The following PHF2 variants were observed in gnomAD, a reference collection of about 807,000 sequenced individuals.
The protein encoded by PHF2 is lysine-specific demethylase PHF2.
In PHF2, 27 loss-of-function variants were observed where a neutral mutation model predicts 120.5. That is an observed-to-expected ratio of 0.22 (90% confidence interval 0.17 to 0.31). The LOEUF is 0.31. PHF2 is among the 10% of genes least tolerant of loss of function. PHF2 has a pLI of 1.00. For synonymous variants in PHF2, 568 were observed against 592.5 expected (o/e 0.96, Z 0.60); for missense variants, 1,024 against 1,434.8 (o/e 0.71, Z 4.63).
intron 5 of PHF2, among the ~76,000 whole-genome samples, chr9:93,649,794 T>C (rs1002959954): frequency 6.6e-6 from 1 of 152,112 alleles, no homozygotes; most frequent in Admixed American, 6.5e-5. Flanking sequence ...CCCATAGATA[T>C]GTCACACACC....
chr9:93,638,109 C>T (rs1408511437), intron 3 of PHF2, among the ~76,000 whole-genome samples: 1 of 151,540 alleles, frequency 6.6e-6, no homozygotes, highest in Admixed American at 6.6e-5. Flanking sequence ...AGGTCCTTTG[C>T]CCATTTTTAA....
chr9:93,597,603 C>T (rs369439392), intron 1 of PHF2, among the ~76,000 whole-genome samples: 1 of 152,060 alleles, frequency 6.6e-6, no homozygotes, highest in African/African-American at 2.4e-5. Context: ...CTTGGCTGCT[C>T]GGCTTGAGTT....
At chr9:93,604,022 C>T (rs565675025) in intron 1 of PHF2, among the ~76,000 whole-genome samples, 2 of 152,354 alleles carry the variant, frequency 1.3e-5, no homozygotes, top group Admixed American at 1.3e-4. Flanking sequence ...TTGGCCTCTC[C>T]TGGACTGTCA....
At chr9:93,596,699 C>T (rs1353976095) in intron 1 of PHF2, among the ~76,000 whole-genome samples, 2 of 150,922 alleles carry the variant, frequency 1.3e-5, no homozygotes, top group Non-Finnish European at 2.9e-5. Context: ...GCATGTGTCT[C>T]TGGGCAGAGT....
intron 1 of PHF2, among the ~76,000 whole-genome samples, chr9:93,591,113 C>T (rs763181399): frequency 1.3e-5 from 2 of 152,072 alleles, no homozygotes; most frequent in Admixed American, 6.5e-5. Flanking sequence ...GGCCAGCAGC[C>T]GTGCCTCCTG....
chr9:93,639,433 C>G (rs1587699141), intron 3 of PHF2, among the ~76,000 whole-genome samples: 1 of 152,100 alleles, frequency 6.6e-6, no homozygotes, highest in African/African-American at 2.4e-5. Flanking sequence ...TGCAACCCTG[C>G]TGAACTAGTT....
At position 93,673,591 on chromosome 9, in the gene PHF2, C is replaced by T. The variant is rs746280885; in HGVS notation, c.2355C>T (p.Pro785=). 9 of 1,564,404 alleles carry T rather than the reference C, an allele frequency of 5.8e-6. No individual in the cohort carries two copies. The highest frequency in any genetic ancestry group is 2.7e-5 in the African/African-American group (2 of 74,000). The part of the protein sequence containing the change: ...GALEYNPSSQ[P]PASPSTQEAI... ...TGTCTCTCTGTGCCCCTAGCCAGCCCCCGGCCTCCCCCAGCACACAGGAAG... is the reference window on the plus strand; with the variant it reads ...TGTCTCTCTGTGCCCCTAGCCAGCCTCCGGCCTCCCCCAGCACACAGGAAG... Residue 785 remains proline (P), a synonymous_variant, in exon 18 of 22, where the codon CCC becomes CCT. Coordinates refer to ENST00000359246, the MANE Select transcript of PHF2 (RefSeq NM_005392.4).
rs760946470 is a variant in PHF2, at chr9:93,656,641, T to C, written c.1147+46T>C. The stretch of plus-strand genomic sequence containing the variant: ...GGCGTCCAAGCCTGGGGCTCTTGGC[T>C]GTGGGGGCAGCCAGACCTGGTCAGG... On this transcript the variant is annotated intron_variant, in intron 9 of 21. Transcript: ENST00000359246. The surrounding 1 kb of genome is among the most constrained non-coding windows in gnomAD (Gnocchi z 4.1). The C allele has an allele frequency of 7.3e-6, 10 of 1,370,998 alleles. No homozygotes were observed. Among genetic ancestry groups the C allele is most frequent in the Non-Finnish European group, 1.0e-5 (10 of 962,904 alleles). 84.9% of individuals were successfully genotyped at this position (1,370,998 alleles called of 1,614,324 possible).
intron 1 of PHF2, among the ~76,000 whole-genome samples, chr9:93,584,778 A>G (rs1026811438): frequency 3.3e-5 from 5 of 152,198 alleles, no homozygotes; most frequent in African/African-American, 1.2e-4. Context: ...CTGCAAAAAA[A>G]CCGCTGTTGG....
chr9:93,665,016 T>G (rs1305662508), intron 14 of PHF2, among the ~76,000 whole-genome samples: 1 of 152,214 alleles, frequency 6.6e-6, no homozygotes, highest in African/African-American at 2.4e-5. Flanking sequence ...TGCTACTATA[T>G]AGAGAGAAAC....
intron 4 of PHF2, among the ~76,000 whole-genome samples, chr9:93,648,207 C>T (rs1826295188): frequency 6.6e-6 from 1 of 152,218 alleles, no homozygotes; most frequent in Admixed American, 6.5e-5. Context: ...GTTGGTCCTG[C>T]AGAATGTCCC....
chr9:93,665,673 G>A lies in PHF2; in HGVS notation c.1938-13G>A, dbSNP rs756921433. The A allele has an allele frequency of 6.8e-6, 11 of 1,611,738 alleles. No individual in the cohort carries two copies. Among genetic ancestry groups the A allele is most frequent in the Middle Eastern group, 1.7e-4 (1 of 5,948 alleles). ...CTATGTGGATGCTGCTGACCCACTC[G>A]CTTCTGCCCTAGCTCCAAGGCTCTC... On this transcript the variant is annotated splice_polypyrimidine_tract_variant and intron_variant, in intron 14 of 21. Coordinates refer to ENST00000359246, the MANE Select transcript of PHF2 (RefSeq NM_005392.4).
At chr9:93,620,322 G>C (rs983224596) in intron 1 of PHF2, among the ~76,000 whole-genome samples, 2 of 152,258 alleles carry the variant, frequency 1.3e-5, no homozygotes, top group African/African-American at 4.8e-5. Flanking sequence ...GCCTCTGTCT[G>C]TGTCCTGGGA....
chr9:93,625,645 T>A (rs1825903798), intron 1 of PHF2, among the ~76,000 whole-genome samples: 1 of 151,924 alleles, frequency 6.6e-6, no homozygotes, highest in Non-Finnish European at 1.5e-5. Context: ...GCCCAGCTAA[T>A]TTTTGTATTT....
chr9:93,577,163 T>C (rs1241995620), intron 1 of PHF2, among the ~76,000 whole-genome samples: 3 of 148,932 alleles, frequency 2.0e-5, no homozygotes, highest in African/African-American at 7.4e-5. Flanking sequence ...CGCGGGGAAG[T>C]TGGGGCTCCA....
At chr9:93,667,267 A>C (rs1261325748) in intron 17 of PHF2, 27 bp downstream of exon 17, 1 of 1,597,720 alleles carries the variant, frequency 6.3e-7, no homozygotes, top group East Asian at 2.3e-5. Flanking sequence ...GGCAGCACCC[A>C]AGAGCGGGGA....
At chr9:93,630,271 C>T (rs532813105) in intron 2 of PHF2, among the ~76,000 whole-genome samples, 72 of 152,344 alleles carry the variant, frequency 4.7e-4, no homozygotes, top group African/African-American at 1.6e-3. Context: ...GATCAGCTCC[C>T]GCTGGCAGAG....
chr9:93,591,263 A>T (rs922120731), intron 1 of PHF2, among the ~76,000 whole-genome samples: 5 of 152,254 alleles, frequency 3.3e-5, no homozygotes, highest in African/African-American at 9.6e-5. Flanking sequence ...TTTCTTCTAG[A>T]TGCCAAATGT....
chr9:93,658,323 A>G, intron 10 of PHF2, 87 bp downstream of exon 10: 1 of 1,007,710 alleles, frequency 9.9e-7, no homozygotes, highest in Admixed American at 2.0e-5. Flanking sequence ...AATGTCCAGG[A>G]CTTGTCCTGC....
Sources: allele counts gnomAD v4.1 joint callset (sites outside exome capture counted in the v4.1 genomes callset), GRCh38; gene constraint gnomAD v4.1.1; non-coding constraint Gnocchi (gnomAD v3.1); transcripts MANE v1.5; gene names NCBI Gene and HGNC (gene_info 2026-07-23, HGNC 2026-07-21).